The following SLC4A8 variants were observed in gnomAD, a reference collection of about 807,000 sequenced individuals.
The protein encoded by SLC4A8 is electroneutral sodium bicarbonate exchanger 1.
In SLC4A8, 40 loss-of-function variants were observed where a neutral mutation model predicts 125.0. That is an observed-to-expected ratio of 0.32 (90% confidence interval 0.25 to 0.42). SLC4A8 has a LOEUF of 0.42. SLC4A8 is among the 10% of genes least tolerant of loss of function. SLC4A8 has a pLI of 1.00. For synonymous variants in SLC4A8, 456 were observed against 476.0 expected (o/e 0.96, Z 0.55); for missense variants, 863 against 1,355.1 (o/e 0.64, Z 5.70).
Position 51,470,454 on chromosome 12 carries a change from A to G in SLC4A8, c.1587A>G (p.Gly529=). 6.2e-7 allele frequency: 1 copy of G among 1,613,590 alleles called. No homozygotes were observed. The highest frequency in any genetic ancestry group is 1.1e-5 in the South Asian group (1 of 91,068). ...GGATTGCTTATTCCTTGTTTGCGGG[A>G]CAGGCTCTCACCATCCTGGGAAGTA... The part of the protein sequence containing the change: ...MTGIAYSLFA[G]QALTILGSTG... The change falls in exon 13 of 25, where the codon GGA becomes GGG. Residue 529 remains glycine (G), a synonymous_variant. Coordinates refer to ENST00000453097, the MANE Select transcript of SLC4A8 (RefSeq NM_001039960.3).
chr12:51,476,034 G>C (rs1171702853), intron 16 of SLC4A8, among the ~76,000 whole-genome samples: 2 of 152,194 alleles, frequency 1.3e-5, no homozygotes, highest in African/African-American at 2.4e-5. Flanking sequence ...AGGGCCCCCT[G>C]AAGGCCTGGG....
intron 2 of SLC4A8, among the ~76,000 whole-genome samples, chr12:51,446,424 A>G (rs1038886220): frequency 6.6e-6 from 1 of 152,220 alleles, no homozygotes; most frequent in Admixed American, 6.5e-5. Flanking sequence ...GAGAGGGCAA[A>G]TAAAAGGAGA....
chr12:51,468,339 A>AATCT (rs1789295690), intron 11 of SLC4A8, among the ~76,000 whole-genome samples: 1 of 152,136 alleles, frequency 6.6e-6, no homozygotes, highest in Admixed American at 6.5e-5. Context: ...TTCTCATCCT[A>AATCT]ATCTATGCTC....
At chr12:51,457,684 A>G in intron 6 of SLC4A8, 145 bp downstream of exon 6, 1 of 708,848 alleles carries the variant, frequency 1.4e-6, no homozygotes, top group Non-Finnish European at 2.3e-6. Flanking sequence ...GGAGACTGGT[A>G]AGATTGGTGG....
chr12:51,462,357 G>C lies in SLC4A8; in HGVS notation c.1149G>C (p.Leu383=), dbSNP rs1027333170. 2 of 1,613,860 alleles carry C rather than the reference G, an allele frequency of 1.2e-6. No homozygotes were observed. Among genetic ancestry groups the C allele is most frequent in the African/African-American group, 1.3e-5 (1 of 74,998 alleles). The stretch of plus-strand genomic sequence containing the variant: ...AGGCAAAAGAGCGAGATGATCTCCT[G>C]GCGGGGATTGATGAGTTCCTAGACC... ...AYKAKERDDL[L]AGIDEFLDQV... is the part of the protein sequence containing the mutation. Residue 383 remains leucine, a synonymous_variant, in exon 10 of 25, where the codon CTG becomes CTC. Transcript: ENST00000453097.
At chr12:51,503,893 G>C (rs1338826474) in intron 22 of SLC4A8, 136 bp from the exon 23 acceptor site, 2 of 570,578 alleles carry the variant, frequency 3.5e-6, no homozygotes, top group Non-Finnish European at 6.1e-6. Flanking sequence ...GGTAACTCAA[G>C]TCTATGAAAG....
rs1251345583 is a variant in SLC4A8 at position 51,471,219 on chromosome 12, C to T, written c.1659-68C>T. ...TTGTTTAGATGAAATGAATTAACCA[C>T]ATTTCTGACTCCTTGTCTCTTAATG... On this transcript the variant is annotated intron_variant, in intron 13 of 24. Coordinates refer to ENST00000453097, the MANE Select transcript of SLC4A8 (RefSeq NM_001039960.3). The T allele has an allele frequency of 1.4e-5, 20 of 1,474,590 alleles. No homozygotes were observed. In the East Asian group the frequency reaches 4.5e-4, roughly 33 times the overall value. 91.3% of individuals were successfully genotyped at this position (1,474,590 alleles called of 1,614,324 possible). A position where few individuals can be genotyped will look rare whatever the true frequency, so the allele number is the denominator to read the frequency against.
chr12:51,493,974 G>C (rs560607291), intron 20 of SLC4A8, among the ~76,000 whole-genome samples: 1 of 152,316 alleles, frequency 6.6e-6, no homozygotes, highest in East Asian at 1.9e-4. Context: ...AGACTTCCAG[G>C]GTGGTCTGGC....
chr12:51,446,936 A>ACTCTTC (rs1949788122), intron 2 of SLC4A8, among the ~76,000 whole-genome samples: 2 of 152,266 alleles, frequency 1.3e-5, no homozygotes, highest in Non-Finnish European at 2.9e-5. Context: ...GCAAGAGAAG[A>ACTCTTC]GTGCAGAATA....
rs1320346240 is a variant in SLC4A8 at position 51,433,868 on chromosome 12, T to G, written c.49-6840T>G. Among the ~76,000 whole-genome samples, 50 of 71,808 alleles carry G rather than the reference T, an allele frequency of 7.0e-4. 1 individual carries two copies. Among genetic ancestry groups the G allele is most frequent in the East Asian group, 1.1e-3 (3 of 2,742 alleles). 47.1% of individuals were successfully genotyped at this position (71,808 alleles called of 152,430 possible). ...CACCATCTGTTTTTTTTTTTTTTTT[T>G]TTTTTTTTTTGGTTGGTTTTTTTTT... On this transcript the variant is annotated intron_variant, in intron 1 of 24. Coordinates refer to ENST00000453097, the MANE Select transcript of SLC4A8 (RefSeq NM_001039960.3).
At chr12:51,458,511 G>A in intron 6 of SLC4A8, 48 bp from the exon 7 acceptor site, 1 of 1,348,032 alleles carries the variant, frequency 7.4e-7, no homozygotes, top group Non-Finnish European at 1.1e-6. Context: ...TGTGTCAGAA[G>A]GGGAAAAGGG....
intron 1 of SLC4A8, among the ~76,000 whole-genome samples, chr12:51,414,868 T>A (rs1948655876): frequency 1.3e-5 from 2 of 152,250 alleles, no homozygotes; most frequent in Admixed American, 1.3e-4. Flanking sequence ...GCTTTTATCA[T>A]GAAAGAATGT....
In SLC4A8 at chr12:51,433,943, C is replaced by T. The variant is rs939675034; in HGVS notation, c.49-6765C>T. On this transcript the variant is annotated intron_variant, in intron 1 of 24. Coordinates refer to ENST00000453097, the MANE Select transcript of SLC4A8 (RefSeq NM_001039960.3). Reference sequence around the variant, plus strand: ...CATGCTGGAGTTCAGCGTACAAACACGGCTCATTAGAGCCTCCAACTCCTG... The same window carrying T: ...CATGCTGGAGTTCAGCGTACAAACATGGCTCATTAGAGCCTCCAACTCCTG... Among the ~76,000 whole-genome samples the T allele has an allele frequency of 2.7e-5, 4 of 147,042 alleles. No individual in the cohort carries two copies. In the South Asian group the frequency reaches 8.6e-4, roughly 32 times the overall value.
intron 22 of SLC4A8, among the ~76,000 whole-genome samples, chr12:51,498,467 AAG>A (rs947803931): frequency 4.9e-4 from 75 of 152,066 alleles, no homozygotes; most frequent in African/African-American, 1.7e-3. Context: ...AAAAATAAAA[AAG>A]AAATGAAAAT....
At chr12:51,452,063 A>T (rs1186270387) in intron 3 of SLC4A8, 61 bp from the exon 4 acceptor site, 1 of 1,537,668 alleles carries the variant, frequency 6.5e-7, no homozygotes, top group African/African-American at 1.4e-5. Flanking sequence ...GTAAGGAAGA[A>T]TGCTATTTCT....
rs758662107 is a variant in SLC4A8, at chr12:51,507,462, T to G, written c.*24T>G. ...AAGAGTCTTTGCTGGGATGGAAGATTTGGGCCGTGTGGTGCCTCAGGGAAG... is the reference window on the plus strand; with the variant it reads ...AAGAGTCTTTGCTGGGATGGAAGATGTGGGCCGTGTGGTGCCTCAGGGAAG... On this transcript the variant is annotated 3_prime_UTR_variant, in exon 25 of 25. Coordinates refer to ENST00000453097, the MANE Select transcript of SLC4A8 (RefSeq NM_001039960.3). The G allele has an allele frequency of 1.4e-6, 2 of 1,386,220 alleles. No homozygotes were observed. The highest frequency in any genetic ancestry group is 9.4e-7 in the Non-Finnish European group (1 of 1,062,942). 85.9% of individuals were successfully genotyped at this position (1,386,220 alleles called of 1,614,324 possible).
rs151180593 is a variant in SLC4A8 at position 51,416,488 on chromosome 12, C to A, written c.-111-24220C>A. Among the ~76,000 whole-genome samples the A allele has an allele frequency of 2.1e-4, 32 of 152,126 alleles. 1 individual carries two copies. The East Asian group carries it at 6.2e-3, about 30-fold the overall frequency. On this transcript the variant is annotated intron_variant, in intron 1 of 24. Coordinates refer to the SLC4A8 transcript ENST00000358657. ...TGAAACCCCATCTCTACTAAAAATA[C>A]AAAAATTATCTGGGTGTGGTGGCGT...
chr12:51,444,121 G>A (rs529149524), intron 2 of SLC4A8, among the ~76,000 whole-genome samples: 7 of 152,152 alleles, frequency 4.6e-5, no homozygotes, highest in Admixed American at 2.0e-4. Flanking sequence ...GGATTTGTGC[G>A]AGTTGGTAGG....
rs1186162148 is a variant in SLC4A8, at chr12:51,470,535, T to C, written c.1658+10T>C. ...TGTTCAAATTCTGCAAGTAAGACAT[T>C]TGTTTTTCTGAAAACTCTAACCAGA... is the stretch of plus-strand genomic sequence containing the variant. On this transcript the variant is annotated intron_variant, in intron 13 of 24. Transcript: ENST00000453097. 3 of 1,612,532 alleles carry C rather than the reference T, an allele frequency of 1.9e-6. No individual in the cohort carries two copies. In the Admixed American group the frequency reaches 5.0e-5, roughly 27 times the overall value.
Sources: allele counts gnomAD v4.1 joint callset (sites outside exome capture counted in the v4.1 genomes callset), GRCh38; gene constraint gnomAD v4.1.1; transcripts MANE v1.5; gene names NCBI Gene and HGNC (gene_info 2026-07-23, HGNC 2026-07-21).